Variants in VWA8 observed in about 807,000 individuals in gnomAD.
VWA8 encodes von Willebrand factor A domain containing 8, also known as von Willebrand factor A domain-containing protein 8.
Under a neutral mutation model 241.5 loss-of-function variants are expected in VWA8, and 221 were observed. The ratio of observed to expected loss-of-function variants is 0.91; its 90% CI spans 0.82 to 1.02. The LOEUF is 1.02. Among genes scored for constraint, VWA8 ranks in the 50% least tolerant of loss-of-function variants. The pLI is 0.00. For missense variants in VWA8, 2,322 were observed against 2,328.7 expected (o/e 1.00, Z 0.06); for synonymous variants, 852 against 827.1 (o/e 1.03, Z -0.52).
chr13:41,854,345 C>G (rs1459691265), intron 12 of VWA8, among the ~76,000 whole-genome samples: 1 of 151,958 alleles, frequency 6.6e-6, no homozygotes, highest in East Asian at 1.9e-4. Flanking sequence ...ACCAAAGGAA[C>G]ACACAGAGAA....
intron 25 of VWA8, among the ~76,000 whole-genome samples, chr13:41,720,204 G>A (rs1536774): frequency 0.73 from 111,092 of 151,992 alleles, 42,549 homozygotes; most frequent in South Asian, 0.89. Context: ...CATAAAAAGT[G>A]CAAACAACAG....
intron 2 of VWA8, among the ~76,000 whole-genome samples, chr13:41,917,307 A>G (rs1876305239): frequency 6.7e-6 from 1 of 149,804 alleles, no homozygotes; most frequent in Non-Finnish European, 1.5e-5. Context: ...ATAATGGAGG[A>G]AAAAAAAAAG....
chr13:41,675,920 G>T (rs1406835194), intron 35 of VWA8, among the ~76,000 whole-genome samples: 2 of 152,122 alleles, frequency 1.3e-5, no homozygotes, highest in Non-Finnish European at 2.9e-5. Context: ...TTAGGGCCCT[G>T]CAAGACAGGG....
chr13:41,930,767 C>G (rs938711480), intron 2 of VWA8, among the ~76,000 whole-genome samples: 1 of 152,092 alleles, frequency 6.6e-6, no homozygotes, highest in Non-Finnish European at 1.5e-5. Context: ...CCCGCAATGT[C>G]GCAAATATTC....
rs940797897 is a variant in VWA8, at chr13:41,571,164, G to C, written c.5371-458C>G. On this transcript the variant is annotated intron_variant, in intron 43 of 44. Coordinates refer to ENST00000379310, the MANE Select transcript of VWA8 (RefSeq NM_015058.2). ...AAATTGTGATGTGCATTTTTCTGTT[G>C]CAGGCTTAAGTGTGTGAAATGAATT... is the stretch of plus-strand genomic sequence containing the variant. 5.9e-5 allele frequency among the ~76,000 whole-genome samples: 9 copies of C among 152,076 alleles called. 1 individual carries two copies. Among genetic ancestry groups the C allele is most frequent in the Admixed American group, 5.9e-4 (9 of 15,288 alleles).
At position 41,570,646 on chromosome 13, in the gene VWA8, G is replaced by T. The variant is rs200520340; in HGVS notation, c.5431C>A (p.His1811Asn). The T allele has an allele frequency of 1.9e-6, 3 of 1,614,236 alleles. No individual in the cohort carries two copies. In the Admixed American group the frequency reaches 5.0e-5, roughly 27 times the overall value. Reference protein sequence around the residue: ...SGDHTLEGTEHAIKEIVKEEA... With the variant: ...SGDHTLEGTENAIKEIVKEEA... ...TCTTTGACAATTTCCTTGATGGCAT[G>T]TTCTGTCCCTTCTAACGTGTGGTCC... is the stretch of plus-strand genomic sequence containing the variant. Residue 1811 changes from histidine to asparagine, a missense_variant, in exon 44 of 45, where the codon CAT (histidine) becomes AAT (asparagine). Physicochemically the swap from His to Asn is moderately conservative, Grantham distance 68. Transcript: ENST00000379310.
chr13:41,696,706 T>C (rs1161627672), intron 29 of VWA8, among the ~76,000 whole-genome samples: 1 of 152,182 alleles, frequency 6.6e-6, no homozygotes, highest in East Asian at 1.9e-4. Flanking sequence ...ACATGTTATG[T>C]CATCAGCATT....
chr13:41,621,250 A>G (rs2044655094), intron 37 of VWA8, among the ~76,000 whole-genome samples: 1 of 152,200 alleles, frequency 6.6e-6, no homozygotes, highest in African/African-American at 2.4e-5. Flanking sequence ...ATTTTGTTCA[A>G]CTGTGGGCTA....
intron 12 of VWA8, among the ~76,000 whole-genome samples, chr13:41,843,494 A>G (rs978140061): frequency 4.6e-5 from 7 of 152,212 alleles, no homozygotes; most frequent in African/African-American, 1.7e-4. Flanking sequence ...AATAACTAAA[A>G]TCAGAGCACA....
In VWA8 at chr13:41,758,247, C is replaced by T. The variant is rs547074992; in HGVS notation, c.2426+2881G>A. Among the ~76,000 whole-genome samples the T allele has an allele frequency of 4.0e-5, 6 of 150,546 alleles. No homozygotes were observed. In the East Asian group the frequency reaches 1.2e-3, roughly 29 times the overall value. Reference sequence around the variant, plus strand: ...TGGTGTCTATTGACCTTGTTACACACTATTAACAATAGCAAATTTAAAATT... The same window carrying T: ...TGGTGTCTATTGACCTTGTTACACATTATTAACAATAGCAAATTTAAAATT... On this transcript the variant is annotated intron_variant, in intron 21 of 44. Coordinates refer to ENST00000379310, the MANE Select transcript of VWA8 (RefSeq NM_015058.2).
chr13:41,752,075 A>G (rs2045660723), intron 21 of VWA8, among the ~76,000 whole-genome samples: 1 of 152,108 alleles, frequency 6.6e-6, no homozygotes, highest in South Asian at 2.1e-4. Flanking sequence ...ATAGTTATAA[A>G]GGCTAAAATT....
chr13:41,927,019 GA>G lies in VWA8; in HGVS notation c.242-14852del, dbSNP rs1041354525. ...ATGGCAAATGGCACCGCTCTAAAGA[GA>G]ATCTGTCCAAGCACTTTGAGCTGCT... On this transcript the variant is annotated intron_variant, in intron 2 of 44. Coordinates refer to ENST00000379310, the MANE Select transcript of VWA8 (RefSeq NM_015058.2). 1.2e-5 allele frequency: 5 copies of G among 413,126 alleles called. No homozygotes were observed. The Admixed American group carries it at 1.5e-4, about 12-fold the overall frequency. 25.6% of individuals were successfully genotyped at this position (413,126 alleles called of 1,614,324 possible).
In VWA8 at chr13:41,671,071, T is replaced by C; in HGVS notation, c.4486A>G (p.Lys1496Glu). 6.2e-7 allele frequency: 1 copy of C among 1,613,996 alleles called. No homozygotes were observed. The highest frequency in any genetic ancestry group is 8.5e-7 in the Non-Finnish European group (1 of 1,179,900). ...ATATCAACAGTAACAACACCGCTTT[T>C]GTCCCACTCAGCCAGCAGTGCATCT... ...DTDALLAEWDKSGVVTVDMGG... is the reference protein window; with the variant it reads ...DTDALLAEWDESGVVTVDMGG... Residue 1496 changes from lysine to glutamate, a missense_variant, in exon 37 of 45, where the codon AAA (lysine) becomes GAA (glutamate). Transcript: ENST00000379310.
At chr13:41,804,320 G>C (rs777088917) in intron 17 of VWA8, among the ~76,000 whole-genome samples, 1 of 152,108 alleles carries the variant, frequency 6.6e-6, no homozygotes, top group Non-Finnish European at 1.5e-5. Flanking sequence ...GCTGACTTCT[G>C]AGTGGAAACT....
intron 21 of VWA8, among the ~76,000 whole-genome samples, chr13:41,732,592 T>C (rs1298183142): frequency 3.3e-5 from 5 of 152,126 alleles, no homozygotes; most frequent in African/African-American, 1.2e-4. Flanking sequence ...AAAGCAAATC[T>C]AGTAATTACA....
intron 37 of VWA8, among the ~76,000 whole-genome samples, chr13:41,635,473 G>GATAA (rs2044750741): frequency 6.6e-6 from 1 of 152,186 alleles, no homozygotes; most frequent in South Asian, 2.1e-4. Flanking sequence ...ACGTAATTAA[G>GATAA]ATAAAGCATT....
intron 37 of VWA8, among the ~76,000 whole-genome samples, chr13:41,670,066 C>G (rs1349579887): frequency 6.6e-6 from 1 of 151,888 alleles, no homozygotes; most frequent in Non-Finnish European, 1.5e-5. Flanking sequence ...CAAAAATAAT[C>G]ACATAAAATA....
At chr13:41,787,687 T>A in intron 17 of VWA8, 144 bp from the exon 18 acceptor site, 1 of 592,448 alleles carries the variant, frequency 1.7e-6, no homozygotes. Flanking sequence ...ATCTGTAAAA[T>A]CTAAATCAAA....
intron 12 of VWA8, among the ~76,000 whole-genome samples, chr13:41,839,268 T>G (rs1001845307): frequency 6.6e-6 from 1 of 152,216 alleles, no homozygotes; most frequent in Admixed American, 6.5e-5. Flanking sequence ...CTTTTTTTCA[T>G]ATGTCTGTTG....
Sources: allele counts gnomAD v4.1 joint callset (sites outside exome capture counted in the v4.1 genomes callset), GRCh38; gene constraint gnomAD v4.1.1; transcripts MANE v1.5; gene names NCBI Gene and HGNC (gene_info 2026-07-23, HGNC 2026-07-21).